Variants in SYK observed in about 807,000 individuals in gnomAD.
SYK encodes the protein spleen associated tyrosine kinase.
In SYK, 16 loss-of-function variants were observed where a neutral mutation model predicts 77.8. That is an observed-to-expected ratio of 0.21 (90% CI 0.14 to 0.31). SYK has a LOEUF of 0.31. Among genes scored for constraint, SYK ranks in the 10% least tolerant of loss-of-function variants. The probability of loss-of-function intolerance (pLI) is 1.00; values close to 1 mark genes in which losing one functional copy is unlikely to be tolerated. For synonymous variants in SYK, 312 were observed against 308.7 expected (o/e 1.01, Z -0.11); for missense variants, 529 against 814.4 (o/e 0.65, Z 4.26).
At chr9:90,841,880 G>T (rs2118607513) in intron 1 of SYK, among the ~76,000 whole-genome samples, 1 of 151,286 alleles carries the variant, frequency 6.6e-6, no homozygotes, top group South Asian at 2.1e-4. Flanking sequence ...TGTGTAGTGT[G>T]TATGTAGTCT....
At chr9:90,863,635 T>C (rs1252320631) in intron 4 of SYK, among the ~76,000 whole-genome samples, 1 of 152,254 alleles carries the variant, frequency 6.6e-6, no homozygotes, top group Non-Finnish European at 1.5e-5. Context: ...GGCTTCTTTC[T>C]TTTAACGATA....
Position 90,898,013 on chromosome 9 carries a change from G to C in SYK, c.*2413G>C, listed in dbSNP as rs768017150. On this transcript the variant is annotated 3_prime_UTR_variant, in exon 14 of 14. Transcript: ENST00000375754. ...TCCAGGCTTCTAGAGCAGCTAGCTT[G>C]GGCTGGATTCTCATACCCAGGCTGC... 4.4e-6 allele frequency: 1 copy of C among 229,448 alleles called. No homozygotes were observed. Among genetic ancestry groups the C allele is most frequent in the African/African-American group, 2.2e-5 (1 of 45,252 alleles). 14.2% of individuals were successfully genotyped at this position (229,448 alleles called of 1,614,324 possible). A position where few individuals can be genotyped will look rare whatever the true frequency, so the allele number is the denominator to read the frequency against.
In SYK at chr9:90,843,960, C is replaced by G. The variant is rs758018137; in HGVS notation, c.62C>G (p.Thr21Ser). The G allele has an allele frequency of 1.9e-6, 3 of 1,590,728 alleles. No individual in the cohort carries two copies. The highest frequency in any genetic ancestry group is 1.8e-5 in the Admixed American group (1 of 56,580). The change falls in exon 2 of 14, where the codon ACC (threonine) becomes AGC (serine). Residue 21 changes from threonine to serine, a missense_variant. Coordinates refer to ENST00000375754, the MANE Select transcript of SYK (RefSeq NM_003177.7). ...CTGCCCTTCTTTTTCGGCAACATCA[C>G]CCGGGAGGAGGCAGAAGATTACCTG... ...NHLPFFFGNI[T>S]REEAEDYLVQ...
chr9:90,864,308 TAAAC>T, intron 4 of SYK, among the ~76,000 whole-genome samples: 1 of 152,214 alleles, frequency 6.6e-6, no homozygotes, highest in South Asian at 2.1e-4. Context: ...AATAAATAAA[TAAAC>T]AAAGGACACA....
chr9:90,836,170 C>T (rs779654813), intron 1 of SYK, among the ~76,000 whole-genome samples: 12 of 151,934 alleles, frequency 7.9e-5, no homozygotes, highest in Non-Finnish European at 1.6e-4. Flanking sequence ...ACCTGTAATC[C>T]CAGCTACTTG....
At chr9:90,880,717 C>T (rs1241716476) in intron 11 of SYK, among the ~76,000 whole-genome samples, 1 of 152,238 alleles carries the variant, frequency 6.6e-6, no homozygotes, top group African/African-American at 2.4e-5. Flanking sequence ...GTTTCCCTGC[C>T]GTCCTGCTGT....
intron 3 of SYK, among the ~76,000 whole-genome samples, chr9:90,860,407 T>C (rs10993727): frequency 0.14 from 20,578 of 151,150 alleles, 1,974 homozygotes; most frequent in Admixed American, 0.26. Flanking sequence ...CTCAGTTCTC[T>C]CTTTATATGA....
At chr9:90,827,988 T>A (rs1412548977) in intron 1 of SYK, among the ~76,000 whole-genome samples, 1 of 151,938 alleles carries the variant, frequency 6.6e-6, no homozygotes, top group Non-Finnish European at 1.5e-5. Flanking sequence ...CGATTTTTTT[T>A]AAATAGACAT....
At chr9:90,803,443 G>A (rs2118223877) in intron 1 of SYK, among the ~76,000 whole-genome samples, 1 of 152,146 alleles carries the variant, frequency 6.6e-6, no homozygotes, top group South Asian at 2.1e-4. Context: ...TTTTATAATA[G>A]TCTTAATAAC....
chr9:90,878,839 T>C lies in SYK; in HGVS notation c.1467T>C (p.Asn489=). 1 of 1,614,170 alleles carries C rather than the reference T, an allele frequency of 6.2e-7. No individual in the cohort carries two copies. Among genetic ancestry groups the C allele is most frequent in the East Asian group, 2.2e-5 (1 of 44,888 alleles). Residue 489 remains asparagine, a synonymous_variant, in exon 11 of 14, where the codon AAT becomes AAC. Transcript: ENST00000375754. Reference sequence around the variant, plus strand: ...GCATGAAGTACTTGGAGGAGAGCAATTTTGTGCACAGAGATCTGGCTGCAA... The same window carrying C: ...GCATGAAGTACTTGGAGGAGAGCAACTTTGTGCACAGAGATCTGGCTGCAA... The part of the protein sequence containing the change: ...SMGMKYLEES[N]FVHRDLAARN...
chr9:90,870,752 A>G (rs1336255223), intron 7 of SYK, among the ~76,000 whole-genome samples: 1 of 152,200 alleles, frequency 6.6e-6, no homozygotes, highest in Non-Finnish European at 1.5e-5. Context: ...AAAAAAAGGA[A>G]ACCAAACCTA....
At chr9:90,865,600 C>T (rs1405760651) in intron 6 of SYK, among the ~76,000 whole-genome samples, 1 of 152,092 alleles carries the variant, frequency 6.6e-6, no homozygotes, top group Non-Finnish European at 1.5e-5. Flanking sequence ...TGAGCCACCA[C>T]ACTCTGCCTA....
intron 7 of SYK, among the ~76,000 whole-genome samples, chr9:90,873,218 G>A (rs1045440460): frequency 1.3e-5 from 2 of 151,978 alleles, no homozygotes; most frequent in Non-Finnish European, 2.9e-5. Flanking sequence ...TGACTGTCAC[G>A]TTAAGCTTAA....
At chr9:90,832,034 T>G (rs1320387638) in intron 1 of SYK, among the ~76,000 whole-genome samples, 2 of 152,188 alleles carry the variant, frequency 1.3e-5, no homozygotes, top group Non-Finnish European at 2.9e-5. Context: ...ATCAACAATA[T>G]ATATGAAATA....
chr9:90,821,610 G>A (rs1233264799), intron 1 of SYK, among the ~76,000 whole-genome samples: 2 of 152,208 alleles, frequency 1.3e-5, no homozygotes, highest in Non-Finnish European at 2.9e-5. Flanking sequence ...TACAATTCAA[G>A]TTGAGATTTG....
rs114555006 is a variant in SYK at position 90,849,069 on chromosome 9, C to A, written c.578+3475C>A. Among the ~76,000 whole-genome samples, 488 of 152,278 alleles carry A rather than the reference C, an allele frequency of 3.2e-3. 2 individuals are homozygous for A. Among genetic ancestry groups the A allele is most frequent in the African/African-American group, 0.011 (469 of 41,544 alleles). ...GAGTGGAGAAGGGTGGAGTTGAGGG[C>A]CAGGTTGCAGAGCACTCACGGCACT... On this transcript the variant is annotated intron_variant, in intron 3 of 13. Transcript: ENST00000375754.
In SYK at chr9:90,898,108, C is replaced by A. The variant is rs200863208; in HGVS notation, c.*2508C>A. 9 of 228,274 alleles carry A rather than the reference C, an allele frequency of 3.9e-5. No individual in the cohort carries two copies. Among genetic ancestry groups the A allele is most frequent in the Non-Finnish European group, 7.0e-5 (8 of 115,062 alleles). 14.1% of individuals were successfully genotyped at this position (228,274 alleles called of 1,614,324 possible). A position where few individuals can be genotyped will look rare whatever the true frequency, so the allele number is the denominator to read the frequency against. ...ACTCCATAAGGTAAGGTGCCTTTTA[C>A]CTTATGGTCCTTCTTTAGCAGGTAA... On this transcript the variant is annotated 3_prime_UTR_variant, in exon 14 of 14. Coordinates refer to ENST00000375754, the MANE Select transcript of SYK (RefSeq NM_003177.7).
intron 13 of SYK, among the ~76,000 whole-genome samples, chr9:90,892,145 C>T (rs1017866426): frequency 2.0e-5 from 3 of 152,182 alleles, no homozygotes; most frequent in Non-Finnish European, 4.4e-5. Context: ...AAACAACATG[C>T]TTTTATAATC....
At chr9:90,875,809 G>T (rs986523163) in intron 9 of SYK, among the ~76,000 whole-genome samples, 21 of 151,982 alleles carry the variant, frequency 1.4e-4, no homozygotes, top group African/African-American at 4.4e-4. Flanking sequence ...TAAAACTACT[G>T]GTTTCTAAAG....
Sources: gnomAD v4.1 joint callset for allele counts (sites outside exome capture counted in the v4.1 genomes callset) on GRCh38, gnomAD v4.1.1 for gene constraint, MANE v1.5 for transcripts, NCBI Gene and HGNC (gene_info 2026-07-23, HGNC 2026-07-21) for gene names.